Variants in ZNF629 observed in about 807,000 individuals in gnomAD.
The protein encoded by ZNF629 is DNA-binding protein.
ZNF629 carries 9 observed loss-of-function variants against 59.7 expected under a neutral mutation model. The ratio of observed to expected loss-of-function variants is 0.15; its 90% CI spans 0.09 to 0.26. The LOEUF (loss-of-function observed/expected upper bound fraction) is 0.26. Ranked by LOEUF, ZNF629 falls within the 10% of genes least tolerant of loss-of-function variation. ZNF629 has a pLI of 1.00. For synonymous variants in ZNF629, 509 were observed against 498.9 expected (o/e 1.02, Z -0.27); for missense variants, 853 against 1,165.4 (o/e 0.73, Z 3.90).
Position 30,783,604 on chromosome 16 carries a change from C to T in ZNF629, c.724G>A (p.Ala242Thr), listed in dbSNP as rs142511249. The T allele has an allele frequency of 1.9e-6, 3 of 1,609,154 alleles. No individual in the cohort carries two copies. Among genetic ancestry groups the T allele is most frequent in the Non-Finnish European group, 2.5e-6 (3 of 1,178,292 alleles). ...ATGAGGTTGGTGCTCTGGGTGAAGGCTTTCTCGCACTCCGTGCACTTGTAG... is the reference window on the plus strand; with the variant it reads ...ATGAGGTTGGTGCTCTGGGTGAAGGTTTTCTCGCACTCCGTGCACTTGTAG... ...KPYKCTECEK[A>T]FTQSTNLIKH... is the part of the protein sequence containing the mutation. Residue 242 changes from alanine (A) to threonine (T), a missense_variant, in exon 3 of 3, where the codon GCC becomes ACC. Transcript: ENST00000262525.
intron 2 of ZNF629, 71 bp from the exon 3 acceptor site, chr16:30,784,325 C>T (rs765035044): frequency 9.7e-6 from 15 of 1,548,154 alleles, no homozygotes; most frequent in Non-Finnish European, 1.3e-5. Context: ...TCTTCCCTCC[C>T]CCGGGTGTCC....
chr16:30,778,560 A>T lies in ZNF629; in HGVS notation c.*3158T>A, dbSNP rs138091512. Reference sequence around the variant, plus strand: ...CAAAAATGGGGCCTCTCTTCACTCCATGGGGACAAGTCCGGTGACTGGGGC... The same window carrying T: ...CAAAAATGGGGCCTCTCTTCACTCCTTGGGGACAAGTCCGGTGACTGGGGC... On this transcript the variant is annotated 3_prime_UTR_variant, in exon 3 of 3. Coordinates refer to ENST00000262525, the MANE Select transcript of ZNF629 (RefSeq NM_001080417.3). 674 of 152,854 alleles carry T rather than the reference A, an allele frequency of 4.4e-3. 3 individuals carry two copies. Among genetic ancestry groups the T allele is most frequent in the Non-Finnish European group, 7.5e-3 (508 of 68,138 alleles). The allele number at this position is 152,854 out of a possible 1,614,324, so 9.5% of individuals were successfully genotyped here.
In ZNF629 at chr16:30,786,112, A is replaced by G. The variant is rs2054329860; in HGVS notation, c.-34+916T>C. 1.3e-5 allele frequency among the ~76,000 whole-genome samples: 2 copies of G among 152,106 alleles called. No homozygotes were observed. The highest frequency in any genetic ancestry group is 1.3e-4 in the Admixed American group (2 of 15,270). ...TGGCAGGAGGCGCTGAGAGGTGACC[A>G]AGGTGAAGCAAGACTGGCTGCACCC... On this transcript the variant is annotated intron_variant, in intron 1 of 2. Coordinates refer to ENST00000262525, the MANE Select transcript of ZNF629 (RefSeq NM_001080417.3). This position sits in a 1 kb window ranked among gnomAD's most constrained non-coding sequence, Gnocchi z 4.8.
chr16:30,781,644 A>T lies in ZNF629; in HGVS notation c.*74T>A. 1.4e-6 allele frequency: 2 copies of T among 1,402,364 alleles called. No homozygotes were observed. Among genetic ancestry groups the T allele is most frequent in the Non-Finnish European group, 1.9e-6 (2 of 1,058,572 alleles). The allele number at this position is 1,402,364 out of a possible 1,614,324, so 86.9% of individuals were successfully genotyped here. On this transcript the variant is annotated 3_prime_UTR_variant, in exon 3 of 3. Transcript: ENST00000262525. The stretch of plus-strand genomic sequence containing the variant: ...CTGATAGGGTTATCCTCCCTTCCCC[A>T]TGTAATTTTTTTGGGGGAAAAAATC...
Position 30,783,922 on chromosome 16 carries a change from G to A in ZNF629, c.406C>T (p.Arg136Trp). 3 of 1,593,832 alleles carry A rather than the reference G, an allele frequency of 1.9e-6. No individual in the cohort carries two copies. Among genetic ancestry groups the A allele is most frequent in the Non-Finnish European group, 2.6e-6 (3 of 1,169,472 alleles). The change falls in exon 3 of 3, where the codon CGG (arginine) becomes TGG (tryptophan). Residue 136 changes from arginine (R) to tryptophan (W), a missense_variant. Physicochemically the swap from Arg to Trp is moderately radical, Grantham distance 101 (BLOSUM62 -3). Coordinates refer to ENST00000262525, the MANE Select transcript of ZNF629 (RefSeq NM_001080417.3). ...PVVPANEPSL[R>W]ELVQGRPAGA... is the part of the protein sequence containing the mutation. ...GCCGGGCGGCCCTGCACCAGCTCCCGCAGGCTGGGCTCGTTGGCGGGGACG... is the reference window on the plus strand; with the variant it reads ...GCCGGGCGGCCCTGCACCAGCTCCCACAGGCTGGGCTCGTTGGCGGGGACG...
At position 30,786,625 on chromosome 16, in the gene ZNF629, C is replaced by T. The variant is rs1484009564; in HGVS notation, c.-34+403G>A. ...AATGCGGCCGCCCGGCCCGGCCCCC[C>T]CACCGCTTGGCTCCGGACTTCTGCT... On this transcript the variant is annotated intron_variant, in intron 1 of 2. Transcript: ENST00000262525. This position sits in a 1 kb window ranked among gnomAD's most constrained non-coding sequence, Gnocchi z 4.8. 6.6e-6 allele frequency among the ~76,000 whole-genome samples: 1 copy of T among 151,778 alleles called. No individual in the cohort carries two copies. The highest frequency in any genetic ancestry group is 2.1e-4 in the South Asian group (1 of 4,806).
At position 30,781,462 on chromosome 16, in the gene ZNF629, C is replaced by A. The variant is rs910941212; in HGVS notation, c.*256G>T. The stretch of plus-strand genomic sequence containing the variant: ...GTTTTTCTGCTACAGACTTAAAGGG[C>A]TTTTTTTTTTCCTACATATTTATAG... On this transcript the variant is annotated 3_prime_UTR_variant, in exon 3 of 3. Transcript: ENST00000262525. 3.1e-5 allele frequency: 10 copies of A among 325,888 alleles called. No homozygotes were observed. The highest frequency in any genetic ancestry group is 9.5e-5 in the Admixed American group (2 of 20,944). 20.2% of individuals were successfully genotyped at this position (325,888 alleles called of 1,614,324 possible). A position where few individuals can be genotyped will look rare whatever the true frequency, so the allele number is the denominator to read the frequency against.
rs893381116 is a variant in ZNF629, at chr16:30,786,170, C to T, written c.-34+858G>A. On this transcript the variant is annotated intron_variant, in intron 1 of 2. Transcript: ENST00000262525. This position sits in a 1 kb window ranked among gnomAD's most constrained non-coding sequence, Gnocchi z 4.8. ...GAGCGGTAGGAGAGACAGAAGTTAG[C>T]GTTTAGGAAGTAAATTAATTTCTTC... Among the ~76,000 whole-genome samples, 2 of 152,078 alleles carry T rather than the reference C, an allele frequency of 1.3e-5. No homozygotes were observed. The highest frequency in any genetic ancestry group is 1.3e-4 in the Admixed American group (2 of 15,268).
In ZNF629 at chr16:30,784,656, G is replaced by A. The variant is rs2054317060; in HGVS notation, c.-33-141C>T. ...GTGTCCTCCCACCCCATTTTTCTGGGCACGGGTTCTTGCTGTGGCCCCCTT... is the reference window on the plus strand; with the variant it reads ...GTGTCCTCCCACCCCATTTTTCTGGACACGGGTTCTTGCTGTGGCCCCCTT... On this transcript the variant is annotated intron_variant, in intron 1 of 2. Transcript: ENST00000262525. 2.1e-5 allele frequency: 14 copies of A among 652,802 alleles called. No individual in the cohort carries two copies. The South Asian group carries it at 3.1e-4, about 15-fold the overall frequency. The allele number at this position is 652,802 out of a possible 1,614,324, so 40.4% of individuals were successfully genotyped here.
In ZNF629 at chr16:30,784,524, G is replaced by A. The variant is rs1487169158; in HGVS notation, c.-33-9C>T. The A allele has an allele frequency of 4.7e-6, 7 of 1,499,150 alleles. No individual in the cohort carries two copies. The South Asian group carries it at 8.7e-5, about 19-fold the overall frequency. The allele number at this position is 1,499,150 out of a possible 1,614,324, so 92.9% of individuals were successfully genotyped here. On this transcript the variant is annotated splice_polypyrimidine_tract_variant and intron_variant, in intron 1 of 2. Transcript: ENST00000262525. ...GCAGTGTTCCAGGGACCCTGCGGGG[G>A]AAGACAGCGATGAGCGCACACTGGG...
At position 30,783,055 on chromosome 16, in the gene ZNF629, G is replaced by A; in HGVS notation, c.1273C>T (p.Arg425Cys). The change falls in exon 3 of 3, where the codon CGC (arginine) becomes TGC (cysteine). Residue 425 changes from arginine to cysteine, a missense_variant. Physicochemically the swap from Arg to Cys is radical, Grantham distance 180 (BLOSUM62 -3). Transcript: ENST00000262525. The stretch of plus-strand genomic sequence containing the variant: ...GCGCAGATGTAGGGCCGCTCGCCGC[G>A]GTGGATGCGCTGGTGGTTGATGAGG... ...SNLINHQRIH[R>C]GERPYICADC... The A allele has an allele frequency of 6.2e-7, 1 of 1,610,498 alleles. No homozygotes were observed. The highest frequency in any genetic ancestry group is 8.5e-7 in the Non-Finnish European group (1 of 1,179,188).
In ZNF629 at chr16:30,786,219, G is replaced by A. The variant is rs568783846; in HGVS notation, c.-34+809C>T. On this transcript the variant is annotated intron_variant, in intron 1 of 2. Coordinates refer to ENST00000262525, the MANE Select transcript of ZNF629 (RefSeq NM_001080417.3). The surrounding 1 kb of genome is among the most constrained non-coding windows in gnomAD (Gnocchi z 4.8). ...TCATCTCTGCAGCTACTTAAGCTCC[G>A]AGAATCCCCCCTCCCCGCCTGTAAG... Among the ~76,000 whole-genome samples, 6 of 152,274 alleles carry A rather than the reference G, an allele frequency of 3.9e-5. No individual in the cohort carries two copies. The South Asian group carries it at 1.0e-3, about 26-fold the overall frequency.
rs1457811650 is a variant in ZNF629, at chr16:30,783,957, C to T, written c.371G>A (p.Ser124Asn). ...CTCGTTGGCGGGGACGACTGGGGGG[C>T]TGTTCCATGTGGTGAGAGCGCCCCA... ...WQWGALTTWN[S>N]PPVVPANEPS... is the part of the protein sequence containing the mutation. The change falls in exon 3 of 3, where the codon AGC becomes AAC. Residue 124 changes from serine (S) to asparagine (N), a missense_variant. Coordinates refer to ENST00000262525, the MANE Select transcript of ZNF629 (RefSeq NM_001080417.3). The T allele has an allele frequency of 3.8e-6, 6 of 1,586,888 alleles. No individual in the cohort carries two copies. Among genetic ancestry groups the T allele is most frequent in the Non-Finnish European group, 5.1e-6 (6 of 1,166,720 alleles).
In ZNF629 at chr16:30,786,265, C is replaced by T. The variant is rs1452866026; in HGVS notation, c.-34+763G>A. 6.6e-6 allele frequency among the ~76,000 whole-genome samples: 1 copy of T among 152,108 alleles called. No individual in the cohort carries two copies. Among genetic ancestry groups the T allele is most frequent in the African/African-American group, 2.4e-5 (1 of 41,420 alleles). On this transcript the variant is annotated intron_variant, in intron 1 of 2. Transcript: ENST00000262525. This position sits in a 1 kb window ranked among gnomAD's most constrained non-coding sequence, Gnocchi z 4.8. ...GTAAGTGTCTTTGGGGTGGTGGAAG[C>T]GGAGACCTCTGCCACACTGGGGGCT... is the stretch of plus-strand genomic sequence containing the variant.
rs1312548754 is a variant in ZNF629 at position 30,786,052 on chromosome 16, G to A, written c.-34+976C>T. ...CTTTGGATGGCTGTGTGAGGTGGGC[G>A]CTGTGTGCACAGGGGCAGTGGGGCA... On this transcript the variant is annotated intron_variant, in intron 1 of 2. Coordinates refer to ENST00000262525, the MANE Select transcript of ZNF629 (RefSeq NM_001080417.3). The surrounding 1 kb of genome is among the most constrained non-coding windows in gnomAD (Gnocchi z 4.8). Among the ~76,000 whole-genome samples, 1 of 152,008 alleles carries A rather than the reference G, an allele frequency of 6.6e-6. No homozygotes were observed. The highest frequency in any genetic ancestry group is 2.4e-5 in the African/African-American group (1 of 41,400).
rs754615738 is a variant in ZNF629, at chr16:30,783,170, G to T, written c.1158C>A (p.Ser386Arg). The T allele has an allele frequency of 6.2e-7, 1 of 1,613,378 alleles. No homozygotes were observed. The highest frequency in any genetic ancestry group is 8.5e-7 in the Non-Finnish European group (1 of 1,179,800). The change falls in exon 3 of 3, where the codon AGC (serine) becomes AGA (arginine). Residue 386 changes from serine (S) to arginine (R), a missense_variant. This residue lies in a region of ZNF629 where 201 missense variants were observed against 536.5 expected (regional missense o/e 0.37). Coordinates refer to ENST00000262525, the MANE Select transcript of ZNF629 (RefSeq NM_001080417.3). ...CPVCGKTFTL[S>R]ATLLRHQRTH... ...TGCGCTGGTGCCGCAGCAACGTGGCGCTCAGGGTGAAGGTCTTGCCGCACA... is the reference window on the plus strand; with the variant it reads ...TGCGCTGGTGCCGCAGCAACGTGGCTCTCAGGGTGAAGGTCTTGCCGCACA...
chr16:30,783,725 G>A lies in ZNF629; in HGVS notation c.603C>T (p.Thr201=), dbSNP rs754125174. 46 of 1,604,168 alleles carry A rather than the reference G, an allele frequency of 2.9e-5. No homozygotes were observed. Among genetic ancestry groups the A allele is most frequent in the Non-Finnish European group, 3.6e-5 (42 of 1,176,304 alleles). Reference sequence around the variant, plus strand: ...CGGGGCACTTGTAGGGCTTCTCGCCGGTGTGCGTGCGCTGGTGCTGCACCA... The same window carrying A: ...CGGGGCACTTGTAGGGCTTCTCGCCAGTGTGCGTGCGCTGGTGCTGCACCA... ...SHLVQHQRTH[T]GEKPYKCPDC... is the part of the protein sequence containing the mutation. The change falls in exon 3 of 3, where the codon ACC becomes ACT. Residue 201 remains threonine, a synonymous_variant. Coordinates refer to ENST00000262525, the MANE Select transcript of ZNF629 (RefSeq NM_001080417.3).
At chr16:30,785,859 AAAATAAATAAATAAAT>A (rs55733443) in intron 1 of ZNF629, among the ~76,000 whole-genome samples, 1 of 140,078 alleles carries the variant, frequency 7.1e-6, no homozygotes, top group African/African-American at 2.7e-5. Context: ...GCCCCCTGGT[AAAATAAATAAATAAAT>A]AAATAAATAA....
In ZNF629 at chr16:30,782,505, G is replaced by C; in HGVS notation, c.1823C>G (p.Ala608Gly). The change falls in exon 3 of 3, where the codon GCC becomes GGC. Residue 608 changes from alanine to glycine, a missense_variant. Physicochemically the swap from Ala to Gly is moderately conservative, Grantham distance 60. Coordinates refer to ENST00000262525, the MANE Select transcript of ZNF629 (RefSeq NM_001080417.3). Reference protein sequence around the residue: ...KNADGLIAHAAPKPPQLRSPR... With the variant: ...KNADGLIAHAGPKPPQLRSPR... The stretch of plus-strand genomic sequence containing the variant: ...GGATCGTAACTGAGGAGGTTTGGGG[G>C]CTGCGTGTGCGATGAGGCCGTCTGC... The C allele has an allele frequency of 6.4e-7, 1 of 1,565,092 alleles. No homozygotes were observed. The highest frequency in any genetic ancestry group is 8.7e-7 in the Non-Finnish European group (1 of 1,154,226).
Sources: gnomAD v4.1 joint callset for allele counts (sites outside exome capture counted in the v4.1 genomes callset) on GRCh38, gnomAD v4.1.1 for gene constraint, gnomAD v4.1.1 regional missense constraint, Gnocchi (gnomAD v3.1) non-coding constraint, MANE v1.5 for transcripts, NCBI Gene and HGNC (gene_info 2026-07-23, HGNC 2026-07-21) for gene names.